The following MLLT3 variants were observed in gnomAD, a reference collection of about 807,000 sequenced individuals.
MLLT3 encodes the protein MLLT3 super elongation complex subunit.
A neutral mutation model predicts 53.2 loss-of-function variants in MLLT3; 4 were observed. The observed-to-expected ratio is 0.08, with a 90% CI of 0.04 to 0.17. The LOEUF (loss-of-function observed/expected upper bound fraction) is 0.17. MLLT3 is among the 10% of genes least tolerant of loss of function. The probability of loss-of-function intolerance (pLI) is 1.00; values close to 1 mark genes in which losing one functional copy is unlikely to be tolerated. For missense variants in MLLT3, 569 were observed against 684.0 expected (o/e 0.83, Z 1.87); for synonymous variants, 283 against 230.6 (o/e 1.23, Z -2.06).
At chr9:20,549,448 AC>A (rs1477674476) in intron 2 of MLLT3, among the ~76,000 whole-genome samples, 1 of 146,360 alleles carries the variant, frequency 6.8e-6, no homozygotes, top group Non-Finnish European at 1.5e-5. Context: ...AATAGCTAAC[AC>A]ATATATGCCA....
intron 2 of MLLT3, among the ~76,000 whole-genome samples, chr9:20,505,588 T>TA (rs1825361955): frequency 1.3e-5 from 2 of 152,194 alleles, no homozygotes; most frequent in Admixed American, 6.5e-5. Context: ...AGTTCTAAAA[T>TA]AAAAACTCTT....
chr9:20,361,330 G>A (rs543511832), intron 7 of MLLT3, among the ~76,000 whole-genome samples: 5 of 152,066 alleles, frequency 3.3e-5, no homozygotes, highest in Admixed American at 2.0e-4. Context: ...TGTTACAGAT[G>A]AAAAAGTTAC....
intron 4 of MLLT3, among the ~76,000 whole-genome samples, chr9:20,426,950 T>C (rs1051076808): frequency 6.6e-6 from 1 of 152,024 alleles, no homozygotes; most frequent in Non-Finnish European, 1.5e-5. Context: ...CTGGGCCCTA[T>C]AGCACATTTG....
At chr9:20,473,794 T>A (rs1824454070) in intron 2 of MLLT3, among the ~76,000 whole-genome samples, 1 of 152,096 alleles carries the variant, frequency 6.6e-6, no homozygotes, top group Admixed American at 6.6e-5. Flanking sequence ...TGCAGACTGC[T>A]TCACAATAAT....
At chr9:20,545,933 A>C (rs1055266023) in intron 2 of MLLT3, among the ~76,000 whole-genome samples, 10 of 151,944 alleles carry the variant, frequency 6.6e-5, no homozygotes, top group African/African-American at 2.4e-4. Context: ...CAGAAGGATC[A>C]CTTGAGCTCA....
chr9:20,557,948 T>C (rs1819105300), intron 2 of MLLT3, among the ~76,000 whole-genome samples: 1 of 152,170 alleles, frequency 6.6e-6, no homozygotes, highest in Non-Finnish European at 1.5e-5. Flanking sequence ...TAACCTATAT[T>C]GATAACCAAA....
At chr9:20,376,103 C>A (rs1164505570) in intron 5 of MLLT3, among the ~76,000 whole-genome samples, 2 of 151,946 alleles carry the variant, frequency 1.3e-5, no homozygotes, top group African/African-American at 4.8e-5. Context: ...AAAAAAATAC[C>A]ATTTAATGCT....
chr9:20,462,672 T>A (rs1396989397), intron 2 of MLLT3, among the ~76,000 whole-genome samples: 1 of 152,126 alleles, frequency 6.6e-6, no homozygotes, highest in Non-Finnish European at 1.5e-5. Flanking sequence ...TTGCATCATA[T>A]TAGCTAATCC....
intron 5 of MLLT3, among the ~76,000 whole-genome samples, chr9:20,413,174 T>C (rs1043605564): frequency 6.6e-6 from 1 of 152,202 alleles, no homozygotes; most frequent in Non-Finnish European, 1.5e-5. Context: ...ATGTTAAAAT[T>C]TATCAAATTA....
intron 2 of MLLT3, among the ~76,000 whole-genome samples, chr9:20,589,861 C>A (rs1428711793): frequency 6.6e-6 from 1 of 151,942 alleles, no homozygotes; most frequent in East Asian, 1.9e-4. Context: ...CAGGTGCCCG[C>A]CACTGTGCCC....
intron 5 of MLLT3, among the ~76,000 whole-genome samples, chr9:20,412,203 A>G (rs956109449): frequency 1.3e-5 from 2 of 152,214 alleles, no homozygotes; most frequent in South Asian, 2.1e-4. Flanking sequence ...GATTGGAAAC[A>G]AAAGTCAAAC....
At chr9:20,571,730 C>T (rs1587083568) in intron 2 of MLLT3, among the ~76,000 whole-genome samples, 1 of 152,234 alleles carries the variant, frequency 6.6e-6, no homozygotes, top group South Asian at 2.1e-4. Context: ...CCTGAAAAGA[C>T]ATTCTAAAAG....
intron 2 of MLLT3, among the ~76,000 whole-genome samples, chr9:20,514,696 G>A (rs78010955): frequency 0.042 from 6,434 of 152,012 alleles, 439 homozygotes; most frequent in African/African-American, 0.14. Flanking sequence ...ATGACCTAGG[G>A]CAAGATAGAA....
intron 4 of MLLT3, among the ~76,000 whole-genome samples, chr9:20,433,444 C>G (rs1823326863): frequency 6.6e-6 from 1 of 152,110 alleles, no homozygotes; most frequent in African/African-American, 2.4e-5. Flanking sequence ...TTTACATCTT[C>G]TCAAAGTACC....
At chr9:20,565,567 T>C (rs1185476824) in intron 2 of MLLT3, among the ~76,000 whole-genome samples, 1 of 152,090 alleles carries the variant, frequency 6.6e-6, no homozygotes, top group Non-Finnish European at 1.5e-5. Context: ...GAAACAAAGT[T>C]AGTCACAGTC....
intron 4 of MLLT3, among the ~76,000 whole-genome samples, chr9:20,415,191 T>G (rs1381629352): frequency 6.6e-6 from 1 of 152,168 alleles, no homozygotes; most frequent in Non-Finnish European, 1.5e-5. Context: ...ATTTCATCAG[T>G]TAAGAACTGT....
chr9:20,424,222 T>C (rs551074097), intron 4 of MLLT3, among the ~76,000 whole-genome samples: 1 of 152,284 alleles, frequency 6.6e-6, no homozygotes, highest in Non-Finnish European at 1.5e-5. Flanking sequence ...GAGGCTCTTC[T>C]TGTATACATT....
At chr9:20,433,230 A>T (rs1823321591) in intron 4 of MLLT3, among the ~76,000 whole-genome samples, 1 of 152,202 alleles carries the variant, frequency 6.6e-6, no homozygotes, top group African/African-American at 2.4e-5. Context: ...AATGAACTTG[A>T]CATATCTTTT....
chr9:20,597,520 CTCAGAAGACCATCTACTTT>C (rs1284644394), intron 2 of MLLT3, among the ~76,000 whole-genome samples: 6 of 152,098 alleles, frequency 3.9e-5, no homozygotes, highest in African/African-American at 7.2e-5. Context: ...TGTTAAGAGC[CTCAGAAGACCATCTACTTT>C]TCAACCATAC....
Sources: gnomAD v4.1 joint callset for allele counts (sites outside exome capture counted in the v4.1 genomes callset) on GRCh38, gnomAD v4.1.1 for gene constraint, MANE v1.5 for transcripts, NCBI Gene and HGNC (gene_info 2026-07-23, HGNC 2026-07-21) for gene names.